NECTIN3: variants seen among roughly 807,000 people sequenced by gnomAD.
NECTIN3 encodes the protein nectin-3.
NECTIN3 carries 8 observed loss-of-function variants against 49.4 expected under a neutral mutation model. That is an observed-to-expected ratio of 0.16 (90% CI 0.10 to 0.29). The LOEUF is 0.29. Among genes scored for constraint, NECTIN3 ranks in the 10% least tolerant of loss-of-function variants. The pLI is 1.00. For synonymous variants in NECTIN3, 277 were observed against 241.1 expected, an observed-to-expected ratio of 1.15 and a Z score of -1.38; for missense variants, 581 against 654.6, an observed-to-expected ratio of 0.89 and a Z score of 1.23.
chr3:111,141,918 T>C (rs1439604544), downstream of NECTIN3, among the ~76,000 whole-genome samples: 12 of 151,912 alleles, frequency 7.9e-5, no homozygotes, highest in Admixed American at 7.9e-4. Flanking sequence ...TTAATTTTTT[T>C]CCTCTGTAGT....
chr3:111,127,322 G>T (rs2107480866), intron 5 of NECTIN3, among the ~76,000 whole-genome samples: 3 of 152,242 alleles, frequency 2.0e-5, no homozygotes, highest in Middle Eastern at 6.8e-3. Context: ...TTGTCTTAGA[G>T]CACTCACCAC....
At chr3:111,188,656 A>C (rs1307968457), upstream of NECTIN3, among the ~76,000 whole-genome samples, 1 of 152,240 alleles carries the variant, frequency 6.6e-6, no homozygotes, top group Admixed American at 6.5e-5. Context: ...CAGAGTAGAC[A>C]GATTATTTAT....
chr3:111,173,580 C>T (rs1343465005), intron 7 of NECTIN3, among the ~76,000 whole-genome samples: 1 of 152,166 alleles, frequency 6.6e-6, no homozygotes, highest in East Asian at 1.9e-4. Context: ...GTAATACATT[C>T]CTTTCTTCAG....
In NECTIN3 at chr3:111,126,204, A is replaced by T. The variant is rs377107814; in HGVS notation, c.938A>T (p.Asp313Val). The T allele has an allele frequency of 1.3e-6, 2 of 1,596,620 alleles. No individual in the cohort carries two copies. Among genetic ancestry groups the T allele is most frequent in the Admixed American group, 1.8e-5 (1 of 56,710 alleles). ...VWSRLDGQWPDGLLASDNTLH... is the reference protein window; with the variant it reads ...VWSRLDGQWPVGLLASDNTLH... ...TCTAGGTTGGATGGACAATGGCCTG[A>T]TGGTTTATTGGCTTCAGACAATACT... Residue 313 changes from aspartate to valine, a missense_variant, in exon 5 of 6, where the codon GAT (aspartate) becomes GTT (valine). By Grantham distance (152) the Asp-to-Val change is radical. Transcript: ENST00000485303.
At chr3:111,090,151 T>C (rs1247244638) in intron 1 of NECTIN3, among the ~76,000 whole-genome samples, 3 of 152,166 alleles carry the variant, frequency 2.0e-5, no homozygotes, top group Non-Finnish European at 2.9e-5. Context: ...GACGTATCTT[T>C]TGTAAGCAGC....
chr3:111,134,837 T>C lies in NECTIN3; in HGVS notation c.*622T>C. The C allele has an allele frequency of 1.0e-6, 1 of 982,450 alleles. No homozygotes were observed. The highest frequency in any genetic ancestry group is 1.2e-6 in the Non-Finnish European group (1 of 827,296). The allele number at this position is 982,450 out of a possible 1,614,324, so 60.9% of individuals were successfully genotyped here. On this transcript the variant is annotated 3_prime_UTR_variant, in exon 6 of 6. Coordinates refer to ENST00000485303, the MANE Select transcript of NECTIN3 (RefSeq NM_015480.3). ...TTACTGTAGAGTGGCTTTTCAAAGA[T>C]ATTTTGTTGCACTAAAACTGTGGTA...
chr3:111,134,280 G>T lies in NECTIN3; in HGVS notation c.*65G>T. On this transcript the variant is annotated 3_prime_UTR_variant, in exon 6 of 6. Coordinates refer to ENST00000485303, the MANE Select transcript of NECTIN3 (RefSeq NM_015480.3). ...CACACTAGTTGATCATTTTCAGATT[G>T]TTCATACTTTTTCTTGAGGAAGAAT... The T allele has an allele frequency of 6.7e-7, 1 of 1,487,068 alleles. No individual in the cohort carries two copies. The highest frequency in any genetic ancestry group is 8.9e-7 in the Non-Finnish European group (1 of 1,121,766). 92.1% of individuals were successfully genotyped at this position (1,487,068 alleles called of 1,614,324 possible). A position where few individuals can be genotyped will look rare whatever the true frequency, so the allele number is the denominator to read the frequency against.
intron 1 of NECTIN3, among the ~76,000 whole-genome samples, chr3:111,081,113 C>CAATA (rs751404562): frequency 7.2e-5 from 11 of 152,006 alleles, no homozygotes; most frequent in East Asian, 1.9e-4. Flanking sequence ...TCGTCTCTGC[C>CAATA]AATAAATAAA....
Position 111,144,989 on chromosome 3 carries a change from CTG to C in NECTIN3, c.1094_1095del (p.Val365AlafsTer13), listed in dbSNP as rs985789319. On this transcript the variant is annotated frameshift_variant, in exon 6 of 9. Transcript: ENST00000493615. LOFTEE classifies it high-confidence loss of function. ...CTTTTCATCATTGCTATCTTTGTGA[CTG>C]TGCTGCTGACTCCTCGAAAAAAAAG... is the stretch of plus-strand genomic sequence containing the variant. The C allele has an allele frequency of 3.3e-6, 5 of 1,536,450 alleles. No homozygotes were observed. Among genetic ancestry groups the C allele is most frequent in the Non-Finnish European group, 4.4e-6 (5 of 1,146,692 alleles).
upstream of NECTIN3, among the ~76,000 whole-genome samples, chr3:111,190,686 C>T (rs1261266236): frequency 1.3e-5 from 2 of 152,162 alleles, no homozygotes; most frequent in African/African-American, 4.8e-5. Flanking sequence ...CACTCTTATA[C>T]CCTATTCGCT....
downstream of NECTIN3, chr3:111,137,562 A>T (rs1326829065): frequency 2.0e-5 from 18 of 906,862 alleles, no homozygotes; most frequent in Non-Finnish European, 2.4e-5. Context: ...TTAGAGGCAT[A>T]TTTCTGTAAT....
Position 111,134,935 on chromosome 3 carries a change from G to T in NECTIN3, c.*720G>T, listed in dbSNP as rs2034524674. On this transcript the variant is annotated 3_prime_UTR_variant, in exon 6 of 6. Transcript: ENST00000485303. ...ATATTTTTGTCCAAAATACCTGCAA[G>T]AGTAATAAAATACATACCTTTCAAA... is the stretch of plus-strand genomic sequence containing the variant. 1.0e-6 allele frequency: 1 copy of T among 982,984 alleles called. No homozygotes were observed. The highest frequency in any genetic ancestry group is 1.2e-6 in the Non-Finnish European group (1 of 828,092). 60.9% of individuals were successfully genotyped at this position (982,984 alleles called of 1,614,324 possible). A position where few individuals can be genotyped will look rare whatever the true frequency, so the allele number is the denominator to read the frequency against.
chr3:111,159,150 A>G (rs191233290), intron 7 of NECTIN3, among the ~76,000 whole-genome samples: 2 of 152,158 alleles, frequency 1.3e-5, no homozygotes, highest in Non-Finnish European at 2.9e-5. Context: ...CTTAGTTTAC[A>G]TAACAATTTA....
chr3:111,125,627 G>GA (rs1339876524), intron 4 of NECTIN3, among the ~76,000 whole-genome samples: 1 of 152,158 alleles, frequency 6.6e-6, no homozygotes, highest in Admixed American at 6.5e-5. Flanking sequence ...CCTTACAAGT[G>GA]AAATTATTTT....
chr3:111,108,404 C>T lies in NECTIN3; in HGVS notation c.161-3626C>T, dbSNP rs1465739841. Among the ~76,000 whole-genome samples, 4 of 151,950 alleles carry T rather than the reference C, an allele frequency of 2.6e-5. No individual in the cohort carries two copies. The East Asian group carries it at 7.7e-4, about 29-fold the overall frequency. On this transcript the variant is annotated intron_variant, in intron 1 of 5. Coordinates refer to ENST00000485303, the MANE Select transcript of NECTIN3 (RefSeq NM_015480.3). ...ACAATTTTGAACCAATGGGTCAGTT[C>T]CCTCCACCCCACAACAGTATCTCCC...
At chr3:111,127,454 G>T (rs923457071) in intron 5 of NECTIN3, among the ~76,000 whole-genome samples, 1 of 147,044 alleles carries the variant, frequency 6.8e-6, no homozygotes, top group Admixed American at 6.7e-5. Flanking sequence ...CATGATAGAG[G>T]TGCAAACTTT....
intron 7 of NECTIN3, among the ~76,000 whole-genome samples, chr3:111,158,401 T>C (rs1559812454): frequency 1.3e-5 from 2 of 152,096 alleles, no homozygotes; most frequent in Non-Finnish European, 2.9e-5. Flanking sequence ...TGGGCAGTAA[T>C]TCTTTAGACT....
chr3:111,135,766 G>T lies in NECTIN3; in HGVS notation c.*1551G>T, dbSNP rs748514368. 24 of 958,098 alleles carry T rather than the reference G, an allele frequency of 2.5e-5. No homozygotes were observed. The highest frequency in any genetic ancestry group is 2.9e-5 in the Non-Finnish European group (23 of 805,540). The allele number at this position is 958,098 out of a possible 1,614,324, so 59.3% of individuals were successfully genotyped here. ...GGGGGCAAAATTCTAACATGTTCAT[G>T]GTATCTTGCAAATAGTGAAAGCTTT... is the stretch of plus-strand genomic sequence containing the variant. On this transcript the variant is annotated 3_prime_UTR_variant, in exon 6 of 6. Transcript: ENST00000485303.
chr3:111,077,534 A>G (rs2031301502), intron 1 of NECTIN3, among the ~76,000 whole-genome samples: 1 of 152,064 alleles, frequency 6.6e-6, no homozygotes, highest in Non-Finnish European at 1.5e-5. Flanking sequence ...AGTTAAAATC[A>G]TAGTTACTAG....
Sources: allele counts gnomAD v4.1 joint callset (sites outside exome capture counted in the v4.1 genomes callset), GRCh38; gene constraint gnomAD v4.1.1; transcripts MANE v1.5; gene names NCBI Gene and HGNC (gene_info 2026-07-23, HGNC 2026-07-21).